The following RBP7 variants were observed in gnomAD, a reference collection of about 807,000 sequenced individuals.
RBP7 encodes the protein retinol binding protein 7.
A neutral mutation model predicts 16.7 loss-of-function variants in RBP7; 13 were observed. The observed-to-expected ratio is 0.78, with a 90% CI of 0.51 to 1.24. The LOEUF (loss-of-function observed/expected upper bound fraction) is 1.24, where lower values mean the gene tolerates loss of function less well. Among genes scored for constraint, RBP7 ranks in the 50% most tolerant of loss-of-function variants. The pLI is 0.00. For synonymous variants in RBP7, 54 were observed against 56.2 expected (o/e 0.96, Z 0.17); for missense variants, 145 against 159.5 (o/e 0.91, Z 0.49).
intron 3 of RBP7, among the ~76,000 whole-genome samples, chr1:10,013,014 G>A (rs530060666): frequency 6.7e-6 from 1 of 149,266 alleles, no homozygotes; most frequent in South Asian, 2.1e-4. Flanking sequence ...ATCTGCCCAT[G>A]CAGGGCACAG....
intron 1 of RBP7, among the ~76,000 whole-genome samples, chr1:10,000,164 G>A (rs747565980): frequency 6.6e-6 from 1 of 152,068 alleles, no homozygotes; most frequent in Admixed American, 6.6e-5. Context: ...GAAGGTGGAG[G>A]TTGCAGTGAG....
At chr1:9,998,400 TTTCTTTC>T (rs1227715870) in intron 1 of RBP7, among the ~76,000 whole-genome samples, 2 of 120,806 alleles carry the variant, frequency 1.7e-5, no homozygotes, top group African/African-American at 8.0e-5. Flanking sequence ...TCTTTCTTTC[TTTCTTTC>T]TTTTTTTTTT....
intron 1 of RBP7, among the ~76,000 whole-genome samples, chr1:9,998,783 G>A (rs1642217822): frequency 6.6e-6 from 1 of 152,144 alleles, no homozygotes; most frequent in Non-Finnish European, 1.5e-5. Flanking sequence ...TATCCCAAGA[G>A]ATAAGAGTGT....
rs192210095 is a variant in RBP7 at position 10,013,641 on chromosome 1, T to G, written c.355-2141T>G. On this transcript the variant is annotated intron_variant, in intron 3 of 3. Coordinates refer to ENST00000294435, the MANE Select transcript of RBP7 (RefSeq NM_052960.3). ...CTGGCTAACATGGTGAAATGCTGTC[T>G]CTACTAAAAAATACAAAAATTAGCC... 2.2e-4 allele frequency among the ~76,000 whole-genome samples: 33 copies of G among 152,012 alleles called. No homozygotes were observed. In the East Asian group the frequency reaches 3.7e-3, roughly 17 times the overall value.
intron 1 of RBP7, 130 bp from the exon 2 acceptor site, chr1:10,007,440 G>A: frequency 2.8e-6 from 2 of 725,486 alleles, no homozygotes; most frequent in South Asian, 4.1e-5. Context: ...TCTGATTTTG[G>A]CAGCAAACAA....
intron 1 of RBP7, among the ~76,000 whole-genome samples, chr1:10,006,108 C>G (rs1000697610): frequency 2.6e-5 from 4 of 152,160 alleles, no homozygotes; most frequent in Middle Eastern, 3.2e-3. Context: ...TTATTTCTAG[C>G]TACATAATAT....
Position 10,007,679 on chromosome 1 carries a change from C to T in RBP7, c.183C>T (p.Tyr61=). 6.2e-7 allele frequency: 1 copy of T among 1,614,010 alleles called. No individual in the cohort carries two copies. Among genetic ancestry groups the T allele is most frequent in the Non-Finnish European group, 8.5e-7 (1 of 1,179,990 alleles). Residue 61 remains tyrosine, a synonymous_variant, in exon 2 of 4, where the codon TAC becomes TAT. Coordinates refer to ENST00000294435, the MANE Select transcript of RBP7 (RefSeq NM_052960.3). ...TIHTNSSLRN[Y]FVKFKVGEEF... is the part of the protein sequence containing the mutation. ...ACACGAACAGCAGCCTAAGGAACTA[C>T]TTTGTGAAATTTAAAGTTGGAGAAG...
At chr1:10,002,008 A>T (rs1183325882) in intron 1 of RBP7, among the ~76,000 whole-genome samples, 2 of 151,716 alleles carry the variant, frequency 1.3e-5, no homozygotes, top group Non-Finnish European at 2.9e-5. Flanking sequence ...TTATATTTTT[A>T]GTACAGACAG....
intron 3 of RBP7, among the ~76,000 whole-genome samples, chr1:10,012,992 C>G (rs1034913774): frequency 6.7e-6 from 1 of 149,660 alleles, no homozygotes; most frequent in Non-Finnish European, 1.5e-5. Flanking sequence ...CCTTCTCTAG[C>G]ATACCCTGGA....
intron 1 of RBP7, among the ~76,000 whole-genome samples, chr1:10,003,011 CATAA>C: frequency 1.3e-5 from 2 of 152,192 alleles, no homozygotes; most frequent in South Asian, 4.1e-4. Context: ...TCATAAAACA[CATAA>C]AACAGTGTGC....
rs1642200126 is a variant in RBP7 at position 9,997,794 on chromosome 1, A to AGGCCCCGG, written c.73+473_73+480dup. 2.0e-5 allele frequency among the ~76,000 whole-genome samples: 3 copies of AGGCCCCGG among 151,850 alleles called. No homozygotes were observed. In the South Asian group the frequency reaches 6.2e-4, roughly 32 times the overall value. ...CCCTCCCCGCAGCCGCCTTCCGTGCAGGCCCCGGGGCCCCGGGCGCGCTCC... is the reference window on the plus strand; with the variant it reads ...CCCTCCCCGCAGCCGCCTTCCGTGCAGGCCCCGGGGCCCCGGGGCCCCGGGCGCGCTCC... On this transcript the variant is annotated intron_variant, in intron 1 of 3. Coordinates refer to ENST00000294435, the MANE Select transcript of RBP7 (RefSeq NM_052960.3). The surrounding 1 kb of genome is among the most constrained non-coding windows in gnomAD (Gnocchi z 5.9).
Position 10,015,920 on chromosome 1 carries a change from G to A in RBP7, c.*88G>A. ...GAACAGACGTTTATCTATCCCATTT[G>A]GCGACGAGGACTCGTGGCTGGAGAG... On this transcript the variant is annotated 3_prime_UTR_variant, in exon 4 of 4. Transcript: ENST00000294435. 7.7e-7 allele frequency: 1 copy of A among 1,293,808 alleles called. No homozygotes were observed. The highest frequency in any genetic ancestry group is 1.1e-6 in the Non-Finnish European group (1 of 897,402). 80.1% of individuals were successfully genotyped at this position (1,293,808 alleles called of 1,614,324 possible).
At chr1:10,000,793 T>TG (rs1471321181) in intron 1 of RBP7, among the ~76,000 whole-genome samples, 2 of 151,972 alleles carry the variant, frequency 1.3e-5, no homozygotes, top group Admixed American at 6.6e-5. Context: ...TAGAGTGCAG[T>TG]GGTGCGATCT....
At chr1:10,001,624 A>T (rs1642281437) in intron 1 of RBP7, among the ~76,000 whole-genome samples, 1 of 152,046 alleles carries the variant, frequency 6.6e-6, no homozygotes, top group African/African-American at 2.4e-5. Context: ...GTACCCCCAC[A>T]GCAGCCAAGG....
chr1:9,998,407 C>CTTTCTTTCT lies in RBP7; in HGVS notation c.73+1079_73+1080insCTTTCTTTT, dbSNP rs1553129444. On this transcript the variant is annotated intron_variant, in intron 1 of 3. Transcript: ENST00000294435. Reference sequence around the variant, plus strand: ...TCTTTTTTTCTTTCTTTCTTTCTTTCTTTTTTTTTTTTTTTTTTGAGACGG... The same window carrying CTTTCTTTCT: ...TCTTTTTTTCTTTCTTTCTTTCTTTCTTTCTTTCTTTTTTTTTTTTTTTTTTTGAGACGG... Among the ~76,000 whole-genome samples the CTTTCTTTCT allele has an allele frequency of 8.4e-3, 1,020 of 121,554 alleles. 5 individuals are homozygous for CTTTCTTTCT. Among genetic ancestry groups the CTTTCTTTCT allele is most frequent in the East Asian group, 0.013 (52 of 4,126 alleles). The allele number at this position is 121,554 out of a possible 152,430, so 79.7% of individuals were successfully genotyped here.
At chr1:10,006,860 T>A in intron 1 of RBP7, 1 of 357,474 alleles carries the variant, frequency 2.8e-6, no homozygotes. Flanking sequence ...CTCTCTTAAT[T>A]CAAAGTGTAA....
In RBP7 at chr1:10,007,535, C is replaced by G. The variant is rs750574752; in HGVS notation, c.74-35C>G. On this transcript the variant is annotated intron_variant, in intron 1 of 3. Transcript: ENST00000294435. ...AAATTCTTCACTTTTGTATCTCAAG[C>G]GAATGTTCAAATATTTTTAAAAATT... 19 of 1,438,872 alleles carry G rather than the reference C, an allele frequency of 1.3e-5. 2 individuals carry two copies. In the Admixed American group the frequency reaches 3.7e-4, roughly 28 times the overall value. 89.1% of individuals were successfully genotyped at this position (1,438,872 alleles called of 1,614,324 possible). A position where few individuals can be genotyped will look rare whatever the true frequency, so the allele number is the denominator to read the frequency against.
At chr1:10,008,826 G>A (rs1294939808) in intron 3 of RBP7, among the ~76,000 whole-genome samples, 5 of 152,022 alleles carry the variant, frequency 3.3e-5, no homozygotes, top group Admixed American at 1.3e-4. Context: ...TGAAACAGCC[G>A]AATATTCCGA....
chr1:10,011,270 T>A (rs1642608811), intron 3 of RBP7, among the ~76,000 whole-genome samples: 1 of 152,132 alleles, frequency 6.6e-6, no homozygotes, highest in South Asian at 2.1e-4. Flanking sequence ...AGGAAGAGGT[T>A]CACCTGCTTT....
Sources: allele counts gnomAD v4.1 joint callset (sites outside exome capture counted in the v4.1 genomes callset), GRCh38; gene constraint gnomAD v4.1.1; non-coding constraint Gnocchi (gnomAD v3.1); transcripts MANE v1.5; gene names NCBI Gene and HGNC (gene_info 2026-07-23, HGNC 2026-07-21).